Variants in SDHB observed in about 807,000 individuals in gnomAD.
SDHB encodes the protein succinate dehydrogenase complex iron sulfur subunit B.
Under a neutral mutation model 39.7 loss-of-function variants are expected in SDHB, and 21 were observed. The ratio of observed to expected loss-of-function variants is 0.53; its 90% CI spans 0.37 to 0.76. The LOEUF (loss-of-function observed/expected upper bound fraction) is 0.76. Ranked by LOEUF, SDHB falls within the 30% of genes least tolerant of loss-of-function variation. The pLI, the probability that SDHB is intolerant of heterozygous loss-of-function variation, is 0.00. For synonymous variants in SDHB, 118 were observed against 117.0 expected (o/e 1.01, Z -0.06); for missense variants, 343 against 350.9 (o/e 0.98, Z 0.18).
intron 2 of SDHB, among the ~76,000 whole-genome samples, chr1:17,034,314 A>G (rs1203929705): frequency 6.6e-6 from 1 of 151,524 alleles, no homozygotes; most frequent in South Asian, 2.1e-4. Context: ...ATCCAGCTTA[A>G]TTTTTGTATT....
chr1:17,049,067 A>G (rs6698160), intron 1 of SDHB, among the ~76,000 whole-genome samples: 63,935 of 151,774 alleles, frequency 0.42, 15,094 homozygotes, highest in Non-Finnish European at 0.54. Context: ...GCTGGAGATC[A>G]TGGCTCACTG....
intron 4 of SDHB, 86 bp from the exon 5 acceptor site, chr1:17,027,951 G>A: frequency 1.3e-6 from 1 of 796,826 alleles, no homozygotes; most frequent in Non-Finnish European, 2.2e-6. Flanking sequence ...CCATTTCTTG[G>A]ACACTGACTA....
intron 2 of SDHB, among the ~76,000 whole-genome samples, chr1:17,041,065 G>C (rs946991028): frequency 1.3e-5 from 2 of 152,094 alleles, no homozygotes; most frequent in African/African-American, 4.8e-5. Context: ...GGAAGGCAGA[G>C]GTTGCAGTGA....
In SDHB at chr1:17,022,734, G is replaced by C. The variant is rs748796588; in HGVS notation, c.643-4C>G. On this transcript the variant is annotated splice_polypyrimidine_tract_variant and splice_region_variant and intron_variant, in intron 6 of 7. Coordinates refer to ENST00000375499, the MANE Select transcript of SDHB (RefSeq NM_003000.3). ...AGTCAATCATCCAGCGATAGGCCTG[G>C]AAAACCAGGGATGATTAGCTGAGCT... The C allele has an allele frequency of 2.5e-6, 4 of 1,612,960 alleles. No individual in the cohort carries two copies.
chr1:17,023,864 A>T, intron 6 of SDHB, 109 bp downstream of exon 6: 1 of 804,450 alleles, frequency 1.2e-6, no homozygotes, highest in Admixed American at 1.9e-5. Flanking sequence ...GATGGCAATG[A>T]AGGAAACCAG....
chr1:17,047,196 A>T (rs1387788537), intron 1 of SDHB, among the ~76,000 whole-genome samples: 1 of 151,980 alleles, frequency 6.6e-6, no homozygotes, highest in Non-Finnish European at 1.5e-5. Flanking sequence ...TCTCTACTAA[A>T]GATACAAAAA....
chr1:17,022,848 A>G (rs2077969788), intron 6 of SDHB, 118 bp from the exon 7 acceptor site: 6 of 1,223,422 alleles, frequency 4.9e-6, no homozygotes, highest in Non-Finnish European at 7.0e-6. Flanking sequence ...TAGATGCCTC[A>G]TCTCCATACT....
intron 2 of SDHB, among the ~76,000 whole-genome samples, chr1:17,040,604 G>A (rs759009620): frequency 2.0e-5 from 3 of 152,016 alleles, no homozygotes; most frequent in Non-Finnish European, 4.4e-5. Context: ...ACAGGTATGT[G>A]CCACCACGCC....
intron 4 of SDHB, 133 bp from the exon 5 acceptor site, chr1:17,027,998 T>A (rs2078001071): frequency 1.5e-6 from 1 of 686,994 alleles, no homozygotes. Flanking sequence ...CCAGACTCTT[T>A]TCCTTTGTCA....
intron 2 of SDHB, among the ~76,000 whole-genome samples, chr1:17,041,434 C>T (rs1460415664): frequency 1.3e-5 from 2 of 152,110 alleles, no homozygotes; most frequent in Non-Finnish European, 2.9e-5. Flanking sequence ...CTTTGGGAGG[C>T]TGAGGTGGGT....
intron 1 of SDHB, 125 bp downstream of exon 1, chr1:17,053,823 G>C: frequency 1.3e-6 from 1 of 743,806 alleles, no homozygotes; most frequent in Non-Finnish European, 2.4e-6. Flanking sequence ...TGCACCAGGG[G>C]GAGGAGGTCC....
chr1:17,022,659 GA>G lies in SDHB; in HGVS notation c.713del (p.Phe238SerfsTer10), dbSNP rs876660642. 6.2e-7 allele frequency: 1 copy of G among 1,614,118 alleles called. No individual in the cohort carries two copies. The highest frequency in any genetic ancestry group is 8.5e-7 in the Non-Finnish European group (1 of 1,179,992). ...EERLAKLQDP[F>X]SLYRCHTIMN... The stretch of plus-strand genomic sequence containing the variant: ...TGATGGTGTGGCAGCGGTATAGAGA[GA>G]ATGGGTCCTGCAGCTTGGCCAGGCG... On this transcript the variant is annotated frameshift_variant, in exon 7 of 8. Coordinates refer to ENST00000375499, the MANE Select transcript of SDHB (RefSeq NM_003000.3). LOFTEE classifies it high-confidence loss of function.
chr1:17,042,820 G>A (rs7517920), intron 2 of SDHB, among the ~76,000 whole-genome samples: 63,782 of 151,598 alleles, frequency 0.42, 15,062 homozygotes, highest in Non-Finnish European at 0.54. Context: ...CACATTCTCT[G>A]ACATTCTCTA....
At chr1:17,031,828 G>A (rs957269242) in intron 3 of SDHB, among the ~76,000 whole-genome samples, 1 of 152,144 alleles carries the variant, frequency 6.6e-6, no homozygotes, top group African/African-American at 2.4e-5. Context: ...AGCCAAGTCA[G>A]TGCCTGAGAG....
At chr1:17,043,489 T>G (rs912170500) in intron 2 of SDHB, among the ~76,000 whole-genome samples, 1 of 151,976 alleles carries the variant, frequency 6.6e-6, no homozygotes, top group Non-Finnish European at 1.5e-5. Context: ...GTATTCAAAC[T>G]TTTTTTTGGT....
chr1:17,035,300 A>T (rs1276898146), intron 2 of SDHB, among the ~76,000 whole-genome samples: 1 of 151,978 alleles, frequency 6.6e-6, no homozygotes, highest in Non-Finnish European at 1.5e-5. Context: ...TTTTCTACTT[A>T]AAAAAAATTT....
At chr1:17,044,732 C>G in intron 2 of SDHB, 29 bp downstream of exon 2, 1 of 1,612,430 alleles carries the variant, frequency 6.2e-7, no homozygotes, top group Non-Finnish European at 8.5e-7. Flanking sequence ...AACTCTCCTT[C>G]AATAGCTGGC....
chr1:17,018,851 G>T lies in SDHB; in HGVS notation c.*30C>A. The T allele has an allele frequency of 6.6e-7, 1 of 1,509,196 alleles. No individual in the cohort carries two copies. The highest frequency in any genetic ancestry group is 9.2e-7 in the Non-Finnish European group (1 of 1,084,756). 93.5% of individuals were successfully genotyped at this position (1,509,196 alleles called of 1,614,324 possible). A position where few individuals can be genotyped will look rare whatever the true frequency, so the allele number is the denominator to read the frequency against. Reference sequence around the variant, plus strand: ...TATAAATTATGTTCAGCTCTGAGCTGGTTATAAATCATGTTTAGCATGGAA... The same window carrying T: ...TATAAATTATGTTCAGCTCTGAGCTTGTTATAAATCATGTTTAGCATGGAA... On this transcript the variant is annotated 3_prime_UTR_variant, in exon 8 of 8. Coordinates refer to ENST00000375499, the MANE Select transcript of SDHB (RefSeq NM_003000.3).
intron 2 of SDHB, among the ~76,000 whole-genome samples, chr1:17,043,068 T>C (rs546132432): frequency 6.7e-6 from 1 of 149,440 alleles, no homozygotes; most frequent in East Asian, 2.0e-4. Context: ...TTCAAGTGAT[T>C]CTCATGCCTC....
Sources: gnomAD v4.1 joint callset for allele counts (sites outside exome capture counted in the v4.1 genomes callset) on GRCh38, gnomAD v4.1.1 for gene constraint, MANE v1.5 for transcripts, NCBI Gene and HGNC (gene_info 2026-07-23, HGNC 2026-07-21) for gene names.